GABRG2: variants seen among roughly 807,000 people sequenced by gnomAD.
GABRG2 encodes gamma-aminobutyric acid type A receptor subunit gamma2.
GABRG2 carries 16 observed loss-of-function variants against 56.4 expected under a neutral mutation model. The observed-to-expected ratio is 0.28, with a 90% confidence interval of 0.19 to 0.43. The LOEUF (loss-of-function observed/expected upper bound fraction) is 0.43, where lower values mean the gene tolerates loss of function less well. Ranked by LOEUF, GABRG2 falls within the 20% of genes least tolerant of loss-of-function variation. The pLI, the probability that GABRG2 is intolerant of heterozygous loss-of-function variation, is 1.00. For missense variants in GABRG2, 327 were observed against 582.7 expected (o/e 0.56, Z 4.52); for synonymous variants, 208 against 205.5 (o/e 1.01, Z -0.10).
At chr5:162,152,542 G>A in intron 9 of GABRG2, 1 of 376,282 alleles carries the variant, frequency 2.7e-6, no homozygotes, top group Non-Finnish European at 5.3e-6. Flanking sequence ...AAGAATCATA[G>A]TCCTTTAAAA....
intron 1 of GABRG2, among the ~76,000 whole-genome samples, chr5:162,073,744 T>C (rs1354690622): frequency 6.6e-6 from 1 of 151,954 alleles, no homozygotes; most frequent in Non-Finnish European, 1.5e-5. Context: ...AGCTATAATT[T>C]CTAGAAAGTA....
chr5:162,109,712 A>G (rs534184046), intron 6 of GABRG2, among the ~76,000 whole-genome samples: 18 of 152,006 alleles, frequency 1.2e-4, no homozygotes, highest in Admixed American at 9.8e-4. Flanking sequence ...TATTATATAT[A>G]TTTTCCATTG....
rs146520779 is a variant in GABRG2, at chr5:162,105,976, T to G, written c.769+1950T>G. Among the ~76,000 whole-genome samples the G allele has an allele frequency of 7.6e-3, 1,157 of 152,162 alleles. 13 individuals carry two copies. The highest frequency in any genetic ancestry group is 0.027 in the African/African-American group (1,108 of 41,502). On this transcript the variant is annotated intron_variant, in intron 6 of 9. Transcript: ENST00000639213. ...AACCCACAAACTCGTGACTAGAAGA[T>G]TTCTTGTTTAGTTGTTTTGAGCCCA...
intron 6 of GABRG2, among the ~76,000 whole-genome samples, chr5:162,123,041 C>T (rs1249946439): frequency 6.6e-6 from 1 of 151,318 alleles, no homozygotes; most frequent in Non-Finnish European, 1.5e-5. Context: ...AAGAAAGTAC[C>T]AATATGAAAA....
chr5:162,109,881 C>T (rs975361537), intron 6 of GABRG2, among the ~76,000 whole-genome samples: 5 of 151,972 alleles, frequency 3.3e-5, no homozygotes, highest in Non-Finnish European at 7.4e-5. Flanking sequence ...TTACGGGAAA[C>T]TTACATTGGT....
At chr5:162,106,118 A>G (rs533684881) in intron 6 of GABRG2, among the ~76,000 whole-genome samples, 54 of 152,288 alleles carry the variant, frequency 3.5e-4, no homozygotes, top group Non-Finnish European at 6.6e-4. Context: ...TTTACTATCT[A>G]TTAGGAGACA....
At position 162,101,336 on chromosome 5, in the gene GABRG2, C is replaced by A. The variant is rs1157159527; in HGVS notation, c.631+19C>A. On this transcript the variant is annotated intron_variant, in intron 5 of 9. Transcript: ENST00000639213. ...TCCAGTTGTAAGTAATATTCCTTCT[C>A]CATTTGTATCCTCCCTCACCTACAG... 17 of 1,448,468 alleles carry A rather than the reference C, an allele frequency of 1.2e-5. No homozygotes were observed. The highest frequency in any genetic ancestry group is 1.4e-5 in the Non-Finnish European group (14 of 1,030,378). 89.7% of individuals were successfully genotyped at this position (1,448,468 alleles called of 1,614,324 possible). A position where few individuals can be genotyped will look rare whatever the true frequency, so the allele number is the denominator to read the frequency against.
chr5:162,127,994 A>G (rs1763462940), intron 6 of GABRG2, among the ~76,000 whole-genome samples: 1 of 152,010 alleles, frequency 6.6e-6, no homozygotes, highest in South Asian at 2.1e-4. Context: ...GTGGAAAGCA[A>G]GGCTTTGGTC....
intron 1 of GABRG2, among the ~76,000 whole-genome samples, chr5:162,070,026 C>T (rs943589083): frequency 6.6e-6 from 1 of 151,936 alleles, no homozygotes; most frequent in South Asian, 2.1e-4. Flanking sequence ...CTCCAGTAAC[C>T]CTATTTTAAC....
At chr5:162,147,670 G>A (rs973925415) in intron 7 of GABRG2, among the ~76,000 whole-genome samples, 1 of 152,082 alleles carries the variant, frequency 6.6e-6, no homozygotes, top group African/African-American at 2.4e-5. Flanking sequence ...GGCCCGACCT[G>A]TTTCGAAGTT....
chr5:162,092,751 A>C (rs73304538), intron 1 of GABRG2, among the ~76,000 whole-genome samples: 3,470 of 152,234 alleles, frequency 0.023, 127 homozygotes, highest in African/African-American at 0.08. Flanking sequence ...AATTCATTCT[A>C]TACTATATGT....
intron 6 of GABRG2, among the ~76,000 whole-genome samples, chr5:162,106,742 A>G (rs1761856980): frequency 6.6e-6 from 1 of 152,150 alleles, no homozygotes; most frequent in Non-Finnish European, 1.5e-5. Context: ...ACCTTTATTC[A>G]TTCAAGCTTT....
intron 3 of GABRG2, among the ~76,000 whole-genome samples, chr5:162,096,927 G>C (rs180861606): frequency 6.6e-6 from 1 of 152,142 alleles, no homozygotes; most frequent in Admixed American, 6.6e-5. Context: ...CAAGTAAATA[G>C]TGTAAGTAAA....
At chr5:162,120,457 C>T (rs932424348) in intron 6 of GABRG2, among the ~76,000 whole-genome samples, 1 of 152,122 alleles carries the variant, frequency 6.6e-6, no homozygotes, top group Non-Finnish European at 1.5e-5. Context: ...GTTATGCCTA[C>T]TTGAATTCTC....
At chr5:162,109,997 C>T (rs1762144170) in intron 6 of GABRG2, among the ~76,000 whole-genome samples, 1 of 152,108 alleles carries the variant, frequency 6.6e-6, no homozygotes, top group Non-Finnish European at 1.5e-5. Context: ...GCATCCAAAA[C>T]ACCAAGGTTT....
chr5:162,094,197 A>G (rs1326587177), intron 2 of GABRG2: 1 of 544,752 alleles, frequency 1.8e-6, no homozygotes, highest in Non-Finnish European at 3.2e-6. Context: ...GAAGCTTGAG[A>G]GCTAGAGTTA....
intron 6 of GABRG2, chr5:162,129,362 A>T (rs974247596): frequency 9.9e-5 from 15 of 152,044 alleles, no homozygotes; most frequent in African/African-American, 3.6e-4. Flanking sequence ...AAACATCACT[A>T]AGGGTATCTT....
At chr5:162,101,141 T>A (rs1469672154) in intron 4 of GABRG2, 94 bp from the exon 5 acceptor site, 25 of 857,394 alleles carry the variant, frequency 2.9e-5, no homozygotes, top group Middle Eastern at 4.6e-4. Context: ...GAATGTGAGA[T>A]ATTCTCTAGA....
chr5:162,082,741 G>T (rs1179473908), intron 1 of GABRG2, among the ~76,000 whole-genome samples: 2 of 151,576 alleles, frequency 1.3e-5, no homozygotes, highest in Admixed American at 6.6e-5. Flanking sequence ...ATATTATATA[G>T]AGATAAAAAT....
Sources: gnomAD v4.1 joint callset for allele counts (sites outside exome capture counted in the v4.1 genomes callset) on GRCh38, gnomAD v4.1.1 for gene constraint, MANE v1.5 for transcripts, NCBI Gene and HGNC (gene_info 2026-07-23, HGNC 2026-07-21) for gene names.